The following GALNT12 variants were observed in gnomAD, a reference collection of about 807,000 sequenced individuals.
The protein encoded by GALNT12 is UDP-GalNAc:polypeptide N-acetylgalactosaminyltransferase 12.
Under a neutral mutation model 55.5 loss-of-function variants are expected in GALNT12, and 45 were observed. That is an observed-to-expected ratio of 0.81 (90% CI 0.64 to 1.04). The LOEUF (loss-of-function observed/expected upper bound fraction) is 1.04. Among genes scored for constraint, GALNT12 ranks in the 50% least tolerant of loss-of-function variants. The pLI, the probability that GALNT12 is intolerant of heterozygous loss-of-function variation, is 0.00. For missense variants in GALNT12, 709 were observed against 754.8 expected, an observed-to-expected ratio of 0.94 and a Z score of 0.71; for synonymous variants, 304 against 312.2, an observed-to-expected ratio of 0.97 and a Z score of 0.28.
At chr9:98,829,257 C>T (rs756934912) in intron 3 of GALNT12, among the ~76,000 whole-genome samples, 7 of 151,038 alleles carry the variant, frequency 4.6e-5, no homozygotes, top group African/African-American at 7.3e-5. Flanking sequence ...AGGGTGATCT[C>T]GGCTCACTGC....
At chr9:98,846,931 TCTTTGGAAA>T (rs1332713917) in intron 9 of GALNT12, among the ~76,000 whole-genome samples, 1 of 151,656 alleles carries the variant, frequency 6.6e-6, no homozygotes, top group Non-Finnish European at 1.5e-5. Context: ...CCAGAAATAT[TCTTTGGAAA>T]CTATAAAGCT....
chr9:98,816,599 A>G (rs1454505163), intron 1 of GALNT12, among the ~76,000 whole-genome samples: 1 of 150,514 alleles, frequency 6.6e-6, no homozygotes, highest in Admixed American at 6.6e-5. Flanking sequence ...AAAAATATTT[A>G]TTTTAGGTTT....
At chr9:98,817,256 G>T (rs956195827) in intron 1 of GALNT12, among the ~76,000 whole-genome samples, 3 of 152,172 alleles carry the variant, frequency 2.0e-5, no homozygotes, top group Admixed American at 1.3e-4. Flanking sequence ...GTGAGCTACC[G>T]CGCCTAGCCT....
At position 98,826,874 on chromosome 9, in the gene GALNT12, G is replaced by A. The variant is rs947666286; in HGVS notation, c.664G>A (p.Asp222Asn). ...GCTGGGGGCGTCTGCGGCGAGGGGC[G>A]ATGTTCTGACCTTCCTGGACTGTCA... is the stretch of plus-strand genomic sequence containing the variant. ...RLLGASAARG[D>N]VLTFLDCHCE... The change falls in exon 3 of 10, where the codon GAT becomes AAT. Residue 222 changes from aspartate to asparagine, a missense_variant. By Grantham distance (23) the Asp-to-Asn change is conservative. This residue lies in a region of GALNT12 where 315 missense variants were observed against 288.6 expected (regional missense o/e 1.09). Transcript: ENST00000375011. 6 of 1,596,724 alleles carry A rather than the reference G, an allele frequency of 3.8e-6. No individual in the cohort carries two copies. The South Asian group carries it at 4.5e-5, about 12-fold the overall frequency.
intron 1 of GALNT12, among the ~76,000 whole-genome samples, chr9:98,810,596 G>T (rs1025095213): frequency 6.6e-6 from 1 of 152,168 alleles, no homozygotes; most frequent in Non-Finnish European, 1.5e-5. Flanking sequence ...TTTTATCAGA[G>T]GAAAGGAGTT....
intron 1 of GALNT12, among the ~76,000 whole-genome samples, chr9:98,822,953 G>A (rs1835777690): frequency 6.6e-6 from 1 of 152,178 alleles, no homozygotes; most frequent in African/African-American, 2.4e-5. Flanking sequence ...GGAGGGCGAT[G>A]GGGAAGGAAG....
At chr9:98,848,230 C>T (rs10121713) in intron 9 of GALNT12, among the ~76,000 whole-genome samples, 20,658 of 152,042 alleles carry the variant, frequency 0.14, 1,820 homozygotes, top group East Asian at 0.27. Flanking sequence ...CAGCACATCA[C>T]AAAGGTTTTT....
At chr9:98,842,316 G>A (rs1289922556) in intron 7 of GALNT12, among the ~76,000 whole-genome samples, 10 of 151,894 alleles carry the variant, frequency 6.6e-5, no homozygotes, top group Admixed American at 6.6e-4. Context: ...TTAAGTAGCT[G>A]GGACTACAGG....
chr9:98,837,256 T>A, intron 6 of GALNT12, 108 bp downstream of exon 6: 3 of 1,078,074 alleles, frequency 2.8e-6, no homozygotes, highest in Non-Finnish European at 4.3e-6. Context: ...GAGAATAAAT[T>A]GGGTGCTCAG....
Position 98,831,804 on chromosome 9 carries a change from CG to C in GALNT12, c.766del (p.Val256Ter). 1.2e-6 allele frequency: 2 copies of C among 1,614,104 alleles called. No individual in the cohort carries two copies. Among genetic ancestry groups the C allele is most frequent in the Non-Finnish European group, 1.7e-6 (2 of 1,180,016 alleles). On this transcript the variant is annotated frameshift_variant, in exon 4 of 10. Transcript: ENST00000375011. LOFTEE classifies it high-confidence loss of function. ...GAAGAGGAGTCGGCAGTGGTGTGCC[CG>C]GTGATTGATGTGATCGACTGGAACA... Reference protein sequence around the residue: ...IHEEESAVVCPVIDVIDWNTF... With the variant: ...IHEEESAVVCXVIDVIDWNTF...
intron 1 of GALNT12, among the ~76,000 whole-genome samples, chr9:98,808,537 G>T: frequency 6.6e-6 from 1 of 152,248 alleles, no homozygotes; most frequent in East Asian, 1.9e-4. Flanking sequence ...CACAGGTGAA[G>T]CGAAAGATGG....
chr9:98,837,139 T>C lies in GALNT12; in HGVS notation c.1203T>C (p.Arg401=), dbSNP rs140977555. 4 of 1,614,196 alleles carry C rather than the reference T, an allele frequency of 2.5e-6. No individual in the cohort carries two copies. Among genetic ancestry groups the C allele is most frequent in the Non-Finnish European group, 3.4e-6 (4 of 1,180,034 alleles). ...FKELYYHRNP[R]ARLEPFGDVT... ...AGCTCTACTACCATCGCAACCCCCG[T>C]GCCCGCTTGGTGAGTTCCTCGGCCC... Residue 401 remains arginine (R), a synonymous_variant, in exon 6 of 10, where the codon CGT becomes CGC. Coordinates refer to ENST00000375011, the MANE Select transcript of GALNT12 (RefSeq NM_024642.5).
At position 98,835,345 on chromosome 9, in the gene GALNT12, A is replaced by G. The variant is rs752958820; in HGVS notation, c.1014A>G (p.Glu338=). The G allele has an allele frequency of 6.2e-7, 1 of 1,607,756 alleles. No homozygotes were observed. The highest frequency in any genetic ancestry group is 8.5e-7 in the Non-Finnish European group (1 of 1,174,154). The change falls in exon 5 of 10, where the codon GAA becomes GAG. Residue 338 remains glutamate, a synonymous_variant. Coordinates refer to ENST00000375011, the MANE Select transcript of GALNT12 (RefSeq NM_024642.5). ...CAGGAATGGAAGTTTGGGGAGGAGA[A>G]AACCTCGAATTTTCCTTTAGGGTAA... ...YDTGMEVWGG[E]NLEFSFRIWQ...
In GALNT12 at chr9:98,835,300, A is replaced by C. The variant is rs763868835; in HGVS notation, c.969A>C (p.Glu323Asp). Residue 323 changes from glutamate (E) to aspartate (D), a missense_variant, in exon 5 of 10, where the codon GAA (glutamate) becomes GAC (aspartate). Glu to Asp is a conservative substitution (Grantham distance 45, BLOSUM62 2). This residue lies in a region of GALNT12 where 17 missense variants were observed against 33.1 expected (regional missense o/e 0.51). Transcript: ENST00000375011. ...TTGCTGTGAGTAAGAAATATTTTGAATATCTGGGGTCTTATGATACAGGAA... is the reference window on the plus strand; with the variant it reads ...TTGCTGTGAGTAAGAAATATTTTGACTATCTGGGGTCTTATGATACAGGAA... ...GLFAVSKKYFEYLGSYDTGME... is the reference protein window; with the variant it reads ...GLFAVSKKYFDYLGSYDTGME... 6.2e-7 allele frequency: 1 copy of C among 1,613,966 alleles called. No homozygotes were observed. Among genetic ancestry groups the C allele is most frequent in the East Asian group, 2.2e-5 (1 of 44,892 alleles).
At chr9:98,808,279 T>C (rs1835421871) in intron 1 of GALNT12, among the ~76,000 whole-genome samples, 1 of 152,078 alleles carries the variant, frequency 6.6e-6, no homozygotes, top group Non-Finnish European at 1.5e-5. Flanking sequence ...TACCAGAAAT[T>C]GGCAAGTCTG....
At chr9:98,818,290 T>C (rs1835660713) in intron 1 of GALNT12, among the ~76,000 whole-genome samples, 1 of 152,108 alleles carries the variant, frequency 6.6e-6, no homozygotes, top group African/African-American at 2.4e-5. Context: ...TGGTGCTATC[T>C]TGGCTGACTG....
intron 3 of GALNT12, among the ~76,000 whole-genome samples, chr9:98,827,566 A>G (rs1345273361): frequency 6.6e-6 from 1 of 152,006 alleles, no homozygotes; most frequent in Non-Finnish European, 1.5e-5. Flanking sequence ...ATAGAATGGC[A>G]CTCCTAAAGA....
At chr9:98,821,880 T>C (rs1207042521) in intron 1 of GALNT12, among the ~76,000 whole-genome samples, 2 of 152,156 alleles carry the variant, frequency 1.3e-5, no homozygotes, top group Admixed American at 1.3e-4. Context: ...CCATTTTCCA[T>C]AGCACAATCA....
At chr9:98,819,944 T>C (rs2118332334) in intron 1 of GALNT12, among the ~76,000 whole-genome samples, 1 of 152,276 alleles carries the variant, frequency 6.6e-6, no homozygotes, top group Middle Eastern at 3.4e-3. Flanking sequence ...AATGCTAACA[T>C]AGGAAGTGGT....
Sources: allele counts gnomAD v4.1 joint callset (sites outside exome capture counted in the v4.1 genomes callset), GRCh38; gene constraint gnomAD v4.1.1; regional missense constraint gnomAD v4.1.1; transcripts MANE v1.5; gene names NCBI Gene and HGNC (gene_info 2026-07-23, HGNC 2026-07-21).